The following FARS2 variants were observed in gnomAD, a reference collection of about 807,000 sequenced individuals.
FARS2 encodes phenylalanine--tRNA ligase, mitochondrial.
A neutral mutation model predicts 46.4 loss-of-function variants in FARS2; 40 were observed. That is an observed-to-expected ratio of 0.86 (90% CI 0.67 to 1.12). FARS2 has a LOEUF of 1.12. Ranked by LOEUF, FARS2 falls within the 50% of genes most tolerant of loss-of-function variation. FARS2 has a pLI of 0.00. For synonymous variants in FARS2, 234 were observed against 214.9 expected, an observed-to-expected ratio of 1.09 and a Z score of -0.78; for missense variants, 513 against 567.9, an observed-to-expected ratio of 0.90 and a Z score of 0.98.
At chr6:5,346,259 GT>G (rs1755210673) in intron 1 of FARS2, among the ~76,000 whole-genome samples, 1 of 152,190 alleles carries the variant, frequency 6.6e-6, no homozygotes, top group Non-Finnish European at 1.5e-5. Flanking sequence ...GAAGACATGA[GT>G]ACGTTTTTAT....
intron 1 of FARS2, among the ~76,000 whole-genome samples, chr6:5,307,812 CG>C (rs1360193176): frequency 2.0e-5 from 3 of 148,182 alleles, no homozygotes; most frequent in Non-Finnish European, 3.0e-5. Context: ...GTGGGGCACA[CG>C]GGGCTAGGAC....
At chr6:5,717,988 C>A (rs1030215359) in intron 6 of FARS2, among the ~76,000 whole-genome samples, 1 of 145,152 alleles carries the variant, frequency 6.9e-6, no homozygotes, top group African/African-American at 2.6e-5. Flanking sequence ...GATCTCTGCT[C>A]ACTGCAACCT....
At chr6:5,696,231 A>G (rs184899105) in intron 6 of FARS2, among the ~76,000 whole-genome samples, 33 of 152,356 alleles carry the variant, frequency 2.2e-4, no homozygotes, top group Admixed American at 5.2e-4. Context: ...GGGTACTGCA[A>G]TATTCATTGC....
At chr6:5,407,555 A>G (rs147325484) in intron 3 of FARS2, among the ~76,000 whole-genome samples, 18 of 152,272 alleles carry the variant, frequency 1.2e-4, no homozygotes, top group African/African-American at 3.1e-4. Flanking sequence ...GAAGTGGGAA[A>G]TGGTATTAGG....
intron 5 of FARS2, among the ~76,000 whole-genome samples, chr6:5,573,958 T>C (rs1772807670): frequency 6.6e-6 from 1 of 152,190 alleles, no homozygotes; most frequent in African/African-American, 2.4e-5. Context: ...CCTAATGTAT[T>C]TGCTCACCAA....
intron 6 of FARS2, among the ~76,000 whole-genome samples, chr6:5,682,050 T>C (rs1779060365): frequency 6.6e-6 from 1 of 152,218 alleles, no homozygotes; most frequent in Non-Finnish European, 1.5e-5. Context: ...CACTTCCGAC[T>C]CTACCTCCAT....
intron 2 of FARS2, among the ~76,000 whole-genome samples, chr6:5,390,411 T>A (rs1411836514): frequency 6.6e-6 from 1 of 152,220 alleles, no homozygotes; most frequent in Non-Finnish European, 1.5e-5. Context: ...CCTTGATGGA[T>A]CCTGCCTTTT....
At chr6:5,320,301 A>G (rs1344599039) in intron 1 of FARS2, among the ~76,000 whole-genome samples, 1 of 151,788 alleles carries the variant, frequency 6.6e-6, no homozygotes, top group Non-Finnish European at 1.5e-5. Context: ...GATCAACACA[A>G]GCTAGAAGCA....
intron 2 of FARS2, among the ~76,000 whole-genome samples, chr6:5,397,545 A>G (rs1217205641): frequency 6.6e-6 from 1 of 152,200 alleles, no homozygotes; most frequent in Non-Finnish European, 1.5e-5. Flanking sequence ...TGTGTGGAGG[A>G]GGAATTATAT....
intron 5 of FARS2, among the ~76,000 whole-genome samples, chr6:5,578,125 A>G (rs1278678808): frequency 1.3e-5 from 2 of 152,218 alleles, no homozygotes; most frequent in African/African-American, 4.8e-5. Context: ...ATTAATCTTA[A>G]TGTTACCTGA....
intron 3 of FARS2, among the ~76,000 whole-genome samples, chr6:5,420,712 CA>C (rs1228308461): frequency 6.6e-6 from 1 of 152,178 alleles, no homozygotes; most frequent in African/African-American, 2.4e-5. Context: ...AGCCTCCTTC[CA>C]AGCTGCTTCC....
At chr6:5,542,358 G>A (rs1770690043) in intron 4 of FARS2, among the ~76,000 whole-genome samples, 1 of 152,092 alleles carries the variant, frequency 6.6e-6, no homozygotes, top group Non-Finnish European at 1.5e-5. Flanking sequence ...GGTGTTTTGG[G>A]GTTGAGCTAT....
At chr6:5,444,392 G>A (rs562152669) in intron 4 of FARS2, among the ~76,000 whole-genome samples, 53 of 147,060 alleles carry the variant, frequency 3.6e-4, no homozygotes, top group African/African-American at 1.3e-3. Context: ...GCTTGAATCC[G>A]GGAGGCAGAG....
At chr6:5,484,140 C>G (rs1394208830) in intron 4 of FARS2, among the ~76,000 whole-genome samples, 1 of 152,144 alleles carries the variant, frequency 6.6e-6, no homozygotes, top group Non-Finnish European at 1.5e-5. Flanking sequence ...GAAAAACGTT[C>G]AGGCAAACAC....
intron 1 of FARS2, among the ~76,000 whole-genome samples, chr6:5,328,407 T>A (rs1489931405): frequency 6.6e-6 from 1 of 152,182 alleles, no homozygotes; most frequent in Non-Finnish European, 1.5e-5. Context: ...TTTGTTTTTT[T>A]GTTTTTAACA....
At chr6:5,625,469 G>T (rs955284915) in intron 6 of FARS2, among the ~76,000 whole-genome samples, 1 of 152,208 alleles carries the variant, frequency 6.6e-6, no homozygotes, top group Non-Finnish European at 1.5e-5. Flanking sequence ...ACCAAAGAAG[G>T]CAAGGGGCCA....
chr6:5,598,543 T>C (rs2150626199), intron 5 of FARS2, among the ~76,000 whole-genome samples: 1 of 152,218 alleles, frequency 6.6e-6, no homozygotes, highest in East Asian at 1.9e-4. Flanking sequence ...TCAGAAGTAA[T>C]CAACTCAGCA....
intron 5 of FARS2, among the ~76,000 whole-genome samples, chr6:5,557,902 A>G (rs1655371473): frequency 6.6e-6 from 1 of 152,122 alleles, no homozygotes; most frequent in Non-Finnish European, 1.5e-5. Context: ...TTTGAAATTG[A>G]GTATAGAAAT....
chr6:5,748,254 G>A (rs1182166985), intron 6 of FARS2, among the ~76,000 whole-genome samples: 1 of 152,068 alleles, frequency 6.6e-6, no homozygotes, highest in Non-Finnish European at 1.5e-5. Context: ...TTTGTGGTTG[G>A]CCAAGGGAGA....
Sources: gnomAD v4.1 joint callset for allele counts (sites outside exome capture counted in the v4.1 genomes callset) on GRCh38, gnomAD v4.1.1 for gene constraint, MANE v1.5 for transcripts, NCBI Gene and HGNC (gene_info 2026-07-23, HGNC 2026-07-21) for gene names.